Variants in CNTN4 observed in about 807,000 individuals in gnomAD.
CNTN4 encodes the protein contactin 4.
Under a neutral mutation model 122.5 loss-of-function variants are expected in CNTN4, and 77 were observed. That is an observed-to-expected ratio of 0.63 (90% confidence interval 0.52 to 0.76). The LOEUF (loss-of-function observed/expected upper bound fraction) is 0.76, where lower values mean the gene tolerates loss of function less well. Among genes scored for constraint, CNTN4 ranks in the 30% least tolerant of loss-of-function variants. CNTN4 has a pLI of 0.00. For synonymous variants in CNTN4, 512 were observed against 447.0 expected, an observed-to-expected ratio of 1.15 and a Z score of -1.83; for missense variants, 1,256 against 1,259.1, an observed-to-expected ratio of 1.00 and a Z score of 0.04.
intron 3 of CNTN4, among the ~76,000 whole-genome samples, chr3:2,386,875 A>G (rs2046274378): frequency 6.6e-6 from 1 of 152,212 alleles, no homozygotes; most frequent in Non-Finnish European, 1.5e-5. Flanking sequence ...GATATTTGAG[A>G]TAAGATGTAG....
chr3:2,419,328 A>C lies in CNTN4; in HGVS notation c.-89+80095A>C, dbSNP rs978950182. Among the ~76,000 whole-genome samples the C allele has an allele frequency of 7.2e-5, 11 of 152,166 alleles. 1 individual carries two copies. Among genetic ancestry groups the C allele is most frequent in the African/African-American group, 2.7e-4 (11 of 41,460 alleles). ...ACTTTATTAAGACTTTATAGTTTTT[A>C]GGAATAGAGTTAATAAAGAACTTGG... On this transcript the variant is annotated intron_variant, in intron 3 of 24. Coordinates refer to ENST00000418658, the MANE Select transcript of CNTN4 (RefSeq NM_175607.3).
chr3:2,366,513 G>A (rs1268039962), intron 3 of CNTN4, among the ~76,000 whole-genome samples: 2 of 152,038 alleles, frequency 1.3e-5, no homozygotes, highest in African/African-American at 2.4e-5. Context: ...GGATCATGAG[G>A]TCAGGAGATC....
intron 13 of CNTN4, among the ~76,000 whole-genome samples, chr3:2,929,487 C>G (rs1348381962): frequency 1.3e-5 from 2 of 152,128 alleles, no homozygotes; most frequent in African/African-American, 2.4e-5. Flanking sequence ...CTTTTGGTTA[C>G]AAGTAAGAGA....
intron 6 of CNTN4, among the ~76,000 whole-genome samples, chr3:2,765,463 A>G (rs1358854362): frequency 1.3e-5 from 2 of 152,220 alleles, no homozygotes; most frequent in African/African-American, 4.8e-5. Context: ...TAGAAAACAT[A>G]TGTGAAGTAC....
chr3:2,932,972 A>G (rs546640282), intron 13 of CNTN4, among the ~76,000 whole-genome samples: 90 of 152,050 alleles, frequency 5.9e-4, no homozygotes, highest in African/African-American at 1.9e-3. Context: ...ACAGGCACCC[A>G]CCACTATGCC....
intron 4 of CNTN4, among the ~76,000 whole-genome samples, chr3:2,678,218 G>A (rs2084976250): frequency 6.6e-6 from 1 of 152,008 alleles, no homozygotes; most frequent in South Asian, 2.1e-4. Flanking sequence ...ATTTTTAATT[G>A]TTAAACTACT....
intron 17 of CNTN4, among the ~76,000 whole-genome samples, chr3:3,035,383 A>G: frequency 6.6e-6 from 1 of 152,012 alleles, no homozygotes; most frequent in East Asian, 1.9e-4. Flanking sequence ...TATATTAGTT[A>G]TAAAAATAAA....
intron 13 of CNTN4, among the ~76,000 whole-genome samples, chr3:2,980,806 G>A (rs1210922897): frequency 6.6e-6 from 1 of 152,118 alleles, no homozygotes; most frequent in Non-Finnish European, 1.5e-5. Context: ...TTGAGGAGGC[G>A]GTATCTGATT....
intron 6 of CNTN4, among the ~76,000 whole-genome samples, chr3:2,749,328 G>GT (rs11381094): frequency 0.67 from 90,158 of 135,576 alleles, 30,344 homozygotes; most frequent in Admixed American, 0.73. Flanking sequence ...GCCCAGATAA[G>GT]TTTTTTTTTT....
At chr3:2,320,549 A>T (rs1460038593) in intron 2 of CNTN4, among the ~76,000 whole-genome samples, 1 of 152,138 alleles carries the variant, frequency 6.6e-6, no homozygotes, top group Non-Finnish European at 1.5e-5. Context: ...GACCTTCATA[A>T]TGTAACTTTA....
intron 13 of CNTN4, among the ~76,000 whole-genome samples, chr3:2,964,136 T>C (rs559688943): frequency 3.9e-5 from 6 of 152,330 alleles, no homozygotes; most frequent in African/African-American, 1.2e-4. Flanking sequence ...ATTTCAGGGA[T>C]ATTTATGTTC....
chr3:2,912,395 G>A (rs931261102), intron 12 of CNTN4, among the ~76,000 whole-genome samples: 1 of 152,186 alleles, frequency 6.6e-6, no homozygotes. Flanking sequence ...AAAGCTGAAT[G>A]AGTTTATCAC....
In CNTN4 at chr3:2,385,687, G is replaced by A. The variant is rs1415840513; in HGVS notation, c.-89+46454G>A. Among the ~76,000 whole-genome samples, 1 of 151,978 alleles carries A rather than the reference G, an allele frequency of 6.6e-6. No homozygotes were observed. Among genetic ancestry groups the A allele is most frequent in the Non-Finnish European group, 1.5e-5 (1 of 68,014 alleles). ...CATCTCTCATCCTCCATCTTCACAT[G>A]CTGCATTCCCTGTATGCCTGTGTGT... On this transcript the variant is annotated intron_variant, in intron 3 of 24. Transcript: ENST00000418658. This position sits in a 1 kb window ranked among gnomAD's most constrained non-coding sequence, Gnocchi z 4.0.
intron 6 of CNTN4, among the ~76,000 whole-genome samples, chr3:2,811,403 G>C (rs2092605535): frequency 8.7e-6 from 1 of 115,064 alleles, no homozygotes; most frequent in African/African-American, 3.6e-5. Context: ...GCAAGACTCA[G>C]TGTCAAAAAA....
At chr3:2,190,373 G>A (rs991135834) in intron 2 of CNTN4, among the ~76,000 whole-genome samples, 1 of 151,368 alleles carries the variant, frequency 6.6e-6, no homozygotes, top group African/African-American at 2.4e-5. Flanking sequence ...AATTTTTCTA[G>A]AGGAAGCACA....
intron 2 of CNTN4, among the ~76,000 whole-genome samples, chr3:2,247,329 A>G (rs2040195437): frequency 6.6e-6 from 1 of 152,050 alleles, no homozygotes; most frequent in Non-Finnish European, 1.5e-5. Flanking sequence ...CAATTTCTGT[A>G]TTAGAGCAGA....
chr3:2,121,068 C>T (rs1220446561), intron 2 of CNTN4, among the ~76,000 whole-genome samples: 1 of 146,194 alleles, frequency 6.8e-6, no homozygotes, highest in Non-Finnish European at 1.5e-5. Flanking sequence ...ATTTTAATGA[C>T]TTCCTTCCTC....
intron 3 of CNTN4, among the ~76,000 whole-genome samples, chr3:2,439,530 T>G (rs1260729762): frequency 7.2e-5 from 11 of 152,130 alleles, no homozygotes; most frequent in Admixed American, 3.9e-4. Context: ...TATAGAGAGA[T>G]AGCTATAAGG....
chr3:2,996,052 T>C (rs1053101002), intron 14 of CNTN4, among the ~76,000 whole-genome samples: 3 of 152,288 alleles, frequency 2.0e-5, no homozygotes, highest in South Asian at 4.1e-4. Flanking sequence ...AATAATACCT[T>C]ATAATGTTTG....
Sources: allele counts gnomAD v4.1 joint callset (sites outside exome capture counted in the v4.1 genomes callset), GRCh38; gene constraint gnomAD v4.1.1; non-coding constraint Gnocchi (gnomAD v3.1); transcripts MANE v1.5; gene names NCBI Gene and HGNC (gene_info 2026-07-23, HGNC 2026-07-21).